ETFDH: variants seen among roughly 807,000 people sequenced by gnomAD.
The protein encoded by ETFDH is electron transfer flavoprotein dehydrogenase, also known as electron transfer flavoprotein-ubiquinone oxidoreductase, mitochondrial.
ETFDH carries 61 observed loss-of-function variants against 73.2 expected under a neutral mutation model. That is an observed-to-expected ratio of 0.83 (90% CI 0.68 to 1.03). ETFDH has a LOEUF of 1.03. ETFDH is among the 50% of genes least tolerant of loss of function. The pLI, the probability that ETFDH is intolerant of heterozygous loss-of-function variation, is 0.00. For missense variants in ETFDH, 685 were observed against 745.0 expected (o/e 0.92, Z 0.94); for synonymous variants, 243 against 253.3 (o/e 0.96, Z 0.39).
In ETFDH at chr4:158,672,367, C is replaced by A; in HGVS notation, c.-90C>A. On this transcript the variant is annotated 5_prime_UTR_variant, in exon 1 of 13. Coordinates refer to ENST00000511912, the MANE Select transcript of ETFDH (RefSeq NM_004453.4). ...GTTCTTGCTTTCCGGCAGGTGATGGCGCCCCCCGCGGCCTAGAGGTCCAGC... is the reference window on the plus strand; with the variant it reads ...GTTCTTGCTTTCCGGCAGGTGATGGAGCCCCCCGCGGCCTAGAGGTCCAGC... The A allele has an allele frequency of 7.4e-7, 1 of 1,358,826 alleles. No homozygotes were observed. The highest frequency in any genetic ancestry group is 1.2e-5 in the South Asian group (1 of 85,980). 84.2% of individuals were successfully genotyped at this position (1,358,826 alleles called of 1,614,324 possible).
intron 9 of ETFDH, among the ~76,000 whole-genome samples, chr4:158,702,166 T>A (rs992414810): frequency 6.6e-6 from 1 of 152,008 alleles, no homozygotes; most frequent in African/African-American, 2.4e-5. Context: ...TTTTTTTTTT[T>A]TATATGCCCT....
At chr4:158,681,432 A>G (rs1773857495) in intron 2 of ETFDH, 1 of 152,296 alleles carries the variant, frequency 6.6e-6, no homozygotes, top group African/African-American at 2.4e-5. Flanking sequence ...CTTATAAAAT[A>G]AAAACATTAC....
intron 5 of ETFDH, among the ~76,000 whole-genome samples, chr4:158,689,327 T>G (rs1174972932): frequency 6.6e-6 from 1 of 152,080 alleles, no homozygotes; most frequent in Non-Finnish European, 1.5e-5. Flanking sequence ...GCATTTCTCC[T>G]TGTTAAACAT....
chr4:158,699,266 A>G, intron 9 of ETFDH, 136 bp downstream of exon 9: 1 of 787,708 alleles, frequency 1.3e-6, no homozygotes, highest in South Asian at 1.5e-5. Flanking sequence ...AAACTGTGTC[A>G]CACAATACTT....
chr4:158,708,183 T>C (rs542383538), intron 12 of ETFDH, among the ~76,000 whole-genome samples, 181 bp from the exon 13 acceptor site: 3 of 152,314 alleles, frequency 2.0e-5, no homozygotes, highest in Non-Finnish European at 4.4e-5. Flanking sequence ...CCTTTTATTA[T>C]GTACATGTAA....
In ETFDH at chr4:158,685,215, C is replaced by G; in HGVS notation, c.602C>G (p.Ala201Gly). ...GAAGTATACCCTGGTTATGCAGCTG[C>G]TGAGGTTTGTATAGTTTTGTTTTGT... ...GVEVYPGYAA[A>G]EVLFHDDGSV... Residue 201 changes from alanine (A) to glycine (G), a missense_variant, in exon 5 of 13, where the codon GCT (alanine) becomes GGT (glycine). By Grantham distance (60) the Ala-to-Gly change is moderately conservative. Transcript: ENST00000511912. 1 of 1,567,318 alleles carries G rather than the reference C, an allele frequency of 6.4e-7. No homozygotes were observed. The highest frequency in any genetic ancestry group is 8.8e-7 in the Non-Finnish European group (1 of 1,137,674).
At chr4:158,690,217 A>G in intron 5 of ETFDH, 131 bp from the exon 6 acceptor site, 1 of 657,218 alleles carries the variant, frequency 1.5e-6, no homozygotes, top group Non-Finnish European at 2.7e-6. Context: ...TTACCTGAAC[A>G]TTTTAAACTC....
chr4:158,695,610 T>G lies in ETFDH; in HGVS notation c.798T>G (p.Cys266Trp). ...LYKKFDLRANCEPQTYGIGLK... is the reference protein window; with the variant it reads ...LYKKFDLRANWEPQTYGIGLK... ...AGAAGTTTGATTTGAGAGCAAATTG[T>G]GAACCTCAAACCTACGGGATTGGAC... The change falls in exon 7 of 13, where the codon TGT (cysteine) becomes TGG (tryptophan). Residue 266 changes from cysteine (C) to tryptophan (W), a missense_variant. Transcript: ENST00000511912. The G allele has an allele frequency of 6.2e-7, 1 of 1,612,286 alleles. No homozygotes were observed. The highest frequency in any genetic ancestry group is 1.1e-5 in the South Asian group (1 of 91,044).
At chr4:158,688,683 A>C (rs1393020589) in intron 5 of ETFDH, among the ~76,000 whole-genome samples, 3 of 152,182 alleles carry the variant, frequency 2.0e-5, no homozygotes, top group African/African-American at 7.2e-5. Context: ...AAAAAAACAA[A>C]AAAAAAGAAC....
chr4:158,702,323 A>T (rs1201018838), intron 9 of ETFDH, among the ~76,000 whole-genome samples: 1 of 152,112 alleles, frequency 6.6e-6, no homozygotes, highest in Non-Finnish European at 1.5e-5. Flanking sequence ...GTAATATTTA[A>T]AATCTTTCTT....
rs1561242774 is a variant in ETFDH at position 158,690,358 on chromosome 4, A to G, written c.617A>G (p.His206Arg). ...PGYAAAEVLF[H>R]DDGSVKGIAT... ...TTTTATCATTTTTAGGTCCTTTTTC[A>G]TGATGATGGTAGTGTAAAAGGAATT... The change falls in exon 6 of 13, where the codon CAT (histidine) becomes CGT (arginine). Residue 206 changes from histidine to arginine, a missense_variant. By Grantham distance (29) the His-to-Arg change is conservative. Transcript: ENST00000511912. 1 of 1,586,626 alleles carries G rather than the reference A, an allele frequency of 6.3e-7. No homozygotes were observed. Among genetic ancestry groups the G allele is most frequent in the African/African-American group, 1.3e-5 (1 of 74,446 alleles).
At chr4:158,673,662 C>T (rs1773639446) in intron 1 of ETFDH, among the ~76,000 whole-genome samples, 1 of 152,148 alleles carries the variant, frequency 6.6e-6, no homozygotes, top group Admixed American at 6.5e-5. Flanking sequence ...TTTTTTGCTG[C>T]ACTTAATGTA....
At chr4:158,686,826 G>GT (rs1774017259) in intron 5 of ETFDH, among the ~76,000 whole-genome samples, 1 of 152,104 alleles carries the variant, frequency 6.6e-6, no homozygotes, top group Non-Finnish European at 1.5e-5. Context: ...GAGTGCCAAG[G>GT]TAAGACTTCC....
At chr4:158,707,761 C>T (rs1774668052) in intron 12 of ETFDH, among the ~76,000 whole-genome samples, 1 of 152,164 alleles carries the variant, frequency 6.6e-6, no homozygotes, top group African/African-American at 2.4e-5. Context: ...TAAAGTGCTT[C>T]CTTTAAGTGA....
intron 5 of ETFDH, among the ~76,000 whole-genome samples, chr4:158,686,145 A>G (rs964192156): frequency 2.0e-5 from 3 of 152,102 alleles, no homozygotes; most frequent in Non-Finnish European, 2.9e-5. Flanking sequence ...GAAAGACAGG[A>G]GGAGGGGAAG....
At chr4:158,675,216 T>G (rs1350227177) in intron 1 of ETFDH, among the ~76,000 whole-genome samples, 1 of 152,236 alleles carries the variant, frequency 6.6e-6, no homozygotes, top group East Asian at 1.9e-4. Flanking sequence ...CTTCCAGCCT[T>G]AGACAACAGT....
chr4:158,680,471 T>A lies in ETFDH; in HGVS notation c.39T>A (p.Tyr13Ter). 6.2e-7 allele frequency: 1 copy of A among 1,604,130 alleles called. No homozygotes were observed. The highest frequency in any genetic ancestry group is 2.2e-5 in the East Asian group (1 of 44,702). ...VPLAKLSCLAYQCFHALKIKK... is the reference protein window; with the variant it reads ...VPLAKLSCLA ...ATTTTCGTAATTTTTGTGCAGCATA[T>A]CAGTGCTTTCATGCCTTAAAAATTA... Residue 13 changes from tyrosine (Y) to a stop codon, truncating the protein, a stop_gained, in exon 2 of 13, where the codon TAT becomes TAA. Coordinates refer to ENST00000511912, the MANE Select transcript of ETFDH (RefSeq NM_004453.4). LOFTEE classifies it high-confidence loss of function.
intron 2 of ETFDH, among the ~76,000 whole-genome samples, chr4:158,681,300 TAAAA>T (rs1561237652): frequency 1.3e-5 from 2 of 152,096 alleles, no homozygotes; most frequent in Admixed American, 1.3e-4. Flanking sequence ...AAAAAAATTT[TAAAA>T]AGAAAGAAAC....
intron 5 of ETFDH, 45 bp from the exon 6 acceptor site, chr4:158,690,303 T>G (rs114165380): frequency 9.6e-7 from 1 of 1,037,210 alleles, no homozygotes; most frequent in African/African-American, 1.6e-5. Flanking sequence ...TCAAGATTAT[T>G]ATGAATTCTA....
Sources: gnomAD v4.1 joint callset for allele counts (sites outside exome capture counted in the v4.1 genomes callset) on GRCh38, gnomAD v4.1.1 for gene constraint, MANE v1.5 for transcripts, NCBI Gene and HGNC (gene_info 2026-07-23, HGNC 2026-07-21) for gene names.